The following ABI1 variants were observed in gnomAD, a reference collection of about 807,000 sequenced individuals.
ABI1 encodes Abelson interactor 1.
A neutral mutation model predicts 54.6 loss-of-function variants in ABI1; 14 were observed. The observed-to-expected ratio is 0.26, with a 90% CI of 0.17 to 0.40. The LOEUF (loss-of-function observed/expected upper bound fraction) is 0.40, where lower values mean the gene tolerates loss of function less well. ABI1 is among the 10% of genes least tolerant of loss of function. The pLI is 1.00. For synonymous variants in ABI1, 194 were observed against 209.3 expected, an observed-to-expected ratio of 0.93 and a Z score of 0.63; for missense variants, 443 against 598.3, an observed-to-expected ratio of 0.74 and a Z score of 2.71.
intron 6 of ABI1, among the ~76,000 whole-genome samples, chr10:26,767,953 G>A (rs1315735902): frequency 6.6e-6 from 1 of 152,014 alleles, no homozygotes; most frequent in African/African-American, 2.4e-5. Flanking sequence ...AGCTGAGGCA[G>A]GAGAATTGCT....
intron 1 of ABI1, among the ~76,000 whole-genome samples, chr10:26,853,314 A>T (rs560034968): frequency 0.038 from 5,393 of 143,554 alleles, 377 homozygotes; most frequent in African/African-American, 0.14. Context: ...TTTTTTTTTA[A>T]AAAAAATCCC....
chr10:26,812,043 T>TCTCTGCTCCTGTTTCCACACCAC (rs2047274772), intron 2 of ABI1, among the ~76,000 whole-genome samples: 2 of 152,162 alleles, frequency 1.3e-5, no homozygotes, highest in Admixed American at 1.3e-4. Flanking sequence ...ATCATTCTAA[T>TCTCTGCTCCTGTTTCCACACCAC]CTCTGCTCCT....
At chr10:26,829,822 T>G in intron 1 of ABI1, among the ~76,000 whole-genome samples, 1 of 152,194 alleles carries the variant, frequency 6.6e-6, no homozygotes, top group East Asian at 1.9e-4. Context: ...TTTTCTTGGA[T>G]GAGGAAGGGA....
chr10:26,800,246 A>C (rs2046459139), intron 2 of ABI1, among the ~76,000 whole-genome samples: 1 of 151,976 alleles, frequency 6.6e-6, no homozygotes, highest in South Asian at 2.1e-4. Context: ...TTAGCCGGGC[A>C]TGGTGGCGTG....
chr10:26,837,434 C>G (rs1432506811), intron 1 of ABI1, among the ~76,000 whole-genome samples: 2 of 150,586 alleles, frequency 1.3e-5, no homozygotes, highest in Non-Finnish European at 3.0e-5. Flanking sequence ...AGCTCCAACA[C>G]AGTCACATGG....
intron 1 of ABI1, among the ~76,000 whole-genome samples, chr10:26,848,784 T>C (rs147418469): frequency 0.016 from 2,408 of 151,736 alleles, 46 homozygotes; most frequent in African/African-American, 0.049. Context: ...AATTTTTGTA[T>C]TTTTAGTAGA....
chr10:26,847,390 G>A (rs1228369769), intron 1 of ABI1, among the ~76,000 whole-genome samples: 1 of 152,156 alleles, frequency 6.6e-6, no homozygotes, highest in Non-Finnish European at 1.5e-5. Context: ...GGGAGGTCAA[G>A]GTAGGCAGAT....
chr10:26,752,680 C>T (rs2132432933), intron 9 of ABI1, among the ~76,000 whole-genome samples: 1 of 152,030 alleles, frequency 6.6e-6, no homozygotes, highest in East Asian at 1.9e-4. Flanking sequence ...TCTAGATGGT[C>T]GTGGTCAGTA....
At chr10:26,759,322 C>T in intron 7 of ABI1, 84 bp from the exon 8 acceptor site, 2 of 1,127,490 alleles carry the variant, frequency 1.8e-6, no homozygotes, top group Middle Eastern at 2.9e-4. Flanking sequence ...CAGGAGGGGG[C>T]CTCAGTAAGA....
At chr10:26,830,439 T>C (rs995007688) in intron 1 of ABI1, among the ~76,000 whole-genome samples, 2 of 151,938 alleles carry the variant, frequency 1.3e-5, no homozygotes, top group East Asian at 1.9e-4. Context: ...CTGAGCAACA[T>C]AGTGACACCC....
intron 2 of ABI1, among the ~76,000 whole-genome samples, chr10:26,811,304 G>A (rs1296387796): frequency 6.6e-6 from 1 of 152,114 alleles, no homozygotes; most frequent in African/African-American, 2.4e-5. Context: ...TATGTGTTCT[G>A]TAGCATGTAT....
rs141321213 is a variant in ABI1, at chr10:26,860,101, C to T, written c.117+646G>A. On this transcript the variant is annotated intron_variant, in intron 1 of 10. Transcript: ENST00000376140. This position sits in a 1 kb window ranked among gnomAD's most constrained non-coding sequence, Gnocchi z 4.1. ...CTTCTCTCAAACGCCCTCCCTCACTCCCCACACCCGCTTCCTCCTCTCCTC... is the reference window on the plus strand; with the variant it reads ...CTTCTCTCAAACGCCCTCCCTCACTTCCCACACCCGCTTCCTCCTCTCCTC... 1.3e-5 allele frequency among the ~76,000 whole-genome samples: 2 copies of T among 152,278 alleles called. No homozygotes were observed. Among genetic ancestry groups the T allele is most frequent in the African/African-American group, 4.8e-5 (2 of 41,544 alleles).
intron 10 of ABI1, among the ~76,000 whole-genome samples, chr10:26,749,925 T>G (rs1374962409): frequency 6.6e-6 from 1 of 152,226 alleles, no homozygotes; most frequent in East Asian, 1.9e-4. Flanking sequence ...CCAAACAAAG[T>G]GTGCTCACCC....
chr10:26,753,940 TTTACCAAATAGCTAG>T (rs1837949903), intron 9 of ABI1, among the ~76,000 whole-genome samples: 1 of 152,150 alleles, frequency 6.6e-6, no homozygotes, highest in Non-Finnish European at 1.5e-5. Flanking sequence ...AAAGAAAAGA[TTTACCAAATAGCTAG>T]TCAGTCACTT....
intron 2 of ABI1, among the ~76,000 whole-genome samples, chr10:26,804,314 C>A (rs2046747039): frequency 6.6e-6 from 1 of 150,952 alleles, no homozygotes; most frequent in Non-Finnish European, 1.5e-5. Flanking sequence ...ACCCGGGAGA[C>A]AGAGGTTGCA....
intron 1 of ABI1, among the ~76,000 whole-genome samples, chr10:26,833,769 T>TACAC (rs61653104): frequency 0.017 from 2,484 of 150,280 alleles, 39 homozygotes; most frequent in African/African-American, 0.038. Context: ...ACAATATTTA[T>TACAC]ACACACACAC....
chr10:26,776,905 G>C, intron 3 of ABI1, 160 bp downstream of exon 3: 1 of 598,312 alleles, frequency 1.7e-6, no homozygotes, highest in African/African-American at 1.9e-5. Flanking sequence ...TGATAAAATT[G>C]CACCCCAACC....
rs147891622 is a variant in ABI1, at chr10:26,748,040, C to T, written c.*530G>A. 2.7e-3 allele frequency: 561 copies of T among 205,302 alleles called. 1 individual carries two copies. The highest frequency in any genetic ancestry group is 9.8e-3 in the Middle Eastern group (6 of 610). 12.7% of individuals were successfully genotyped at this position (205,302 alleles called of 1,614,324 possible). A position where few individuals can be genotyped will look rare whatever the true frequency, so the allele number is the denominator to read the frequency against. On this transcript the variant is annotated 3_prime_UTR_variant, in exon 11 of 11. Coordinates refer to ENST00000376140, the MANE Select transcript of ABI1 (RefSeq NM_001012750.3). ...ACGTTAAGACACCTAAGTACGAGTC[C>T]TCCAGGTAAATATTACACAAATGGG...
chr10:26,846,200 T>G (rs932199969), intron 1 of ABI1, among the ~76,000 whole-genome samples: 1 of 151,890 alleles, frequency 6.6e-6, no homozygotes, highest in African/African-American at 2.4e-5. Context: ...ACCTCTAGAC[T>G]AGCCACCCTC....
Sources: gnomAD v4.1 joint callset for allele counts (sites outside exome capture counted in the v4.1 genomes callset) on GRCh38, gnomAD v4.1.1 for gene constraint, Gnocchi (gnomAD v3.1) non-coding constraint, MANE v1.5 for transcripts, NCBI Gene and HGNC (gene_info 2026-07-23, HGNC 2026-07-21) for gene names.